Variants in GNB1 observed in about 807,000 individuals in gnomAD.
The protein encoded by GNB1 is G protein subunit beta 1, also known as guanine nucleotide-binding protein G(I)/G(S)/G(T) subunit beta-1.
A neutral mutation model predicts 42.9 loss-of-function variants in GNB1; 2 were observed. The ratio of observed to expected loss-of-function variants is 0.05; its 90% CI spans 0.02 to 0.15. The LOEUF (loss-of-function observed/expected upper bound fraction) is 0.15, where lower values mean the gene tolerates loss of function less well. Among genes scored for constraint, GNB1 ranks in the 10% least tolerant of loss-of-function variants. The probability of loss-of-function intolerance (pLI) is 1.00; values close to 1 mark genes in which losing one functional copy is unlikely to be tolerated. For synonymous variants in GNB1, 183 were observed against 174.7 expected (o/e 1.05, Z -0.38); for missense variants, 193 against 462.2 (o/e 0.42, Z 5.34).
intron 2 of GNB1, among the ~76,000 whole-genome samples, chr1:1,835,117 C>A (rs953909860): frequency 1.3e-5 from 2 of 152,208 alleles, no homozygotes; most frequent in African/African-American, 4.8e-5. Context: ...GCTTTCCCAA[C>A]AGCAAATGGG....
chr1:1,852,004 T>C (rs1570715305), intron 1 of GNB1, among the ~76,000 whole-genome samples: 1 of 150,092 alleles, frequency 6.7e-6, no homozygotes, highest in African/African-American at 2.5e-5. Context: ...GATAGCGCCA[T>C]TGCACTCCAG....
intron 1 of GNB1, among the ~76,000 whole-genome samples, chr1:1,880,122 G>A (rs898401061): frequency 3.3e-5 from 5 of 151,736 alleles, no homozygotes; most frequent in African/African-American, 1.2e-4. Context: ...TTGTAGAGAT[G>A]GGGTCTCACT....
chr1:1,880,624 TCTGA>T (rs1466710271), intron 1 of GNB1, among the ~76,000 whole-genome samples: 1 of 151,928 alleles, frequency 6.6e-6, no homozygotes, highest in Non-Finnish European at 1.5e-5. Flanking sequence ...TGAAAACAGT[TCTGA>T]CTAAGTGAAT....
At chr1:1,858,824 A>G (rs140458576) in intron 1 of GNB1, among the ~76,000 whole-genome samples, 2 of 152,284 alleles carry the variant, frequency 1.3e-5, no homozygotes, top group Non-Finnish European at 2.9e-5. Context: ...ATGACGTCAC[A>G]TCCTAATAAA....
At chr1:1,819,193 G>A (rs1271181013) in intron 3 of GNB1, among the ~76,000 whole-genome samples, 1 of 152,000 alleles carries the variant, frequency 6.6e-6, no homozygotes, top group Non-Finnish European at 1.5e-5. Context: ...TAAAGTTTGA[G>A]TGTTGGTATA....
Position 1,789,056 on chromosome 1 carries a change from C to T in GNB1, c.913G>A (p.Ala305Thr). 1 of 1,612,452 alleles carries T rather than the reference C, an allele frequency of 6.2e-7. No individual in the cohort carries two copies. ...NVWDALKADR[A>T]GVLAGHDNRV... Reference sequence around the variant, plus strand: ...GAAAGGCCCCATGGCCACGTACCTGCCCGGTCGGCTTTGAGTGCATCCCAG... The same window carrying T: ...GAAAGGCCCCATGGCCACGTACCTGTCCGGTCGGCTTTGAGTGCATCCCAG... Residue 305 changes from alanine to threonine, a missense_variant, in exon 10 of 12, where the codon GCA becomes ACA. Ala to Thr is a moderately conservative substitution (Grantham distance 58). This residue lies in a region of GNB1 where 150 missense variants were observed against 410.8 expected (regional missense o/e 0.37). Transcript: ENST00000378609.
chr1:1,803,304 T>C (rs1646650306), intron 7 of GNB1, among the ~76,000 whole-genome samples: 1 of 152,262 alleles, frequency 6.6e-6, no homozygotes, highest in Non-Finnish European at 1.5e-5. Context: ...GGCTCTATTA[T>C]GCCTCATTTG....
intron 7 of GNB1, among the ~76,000 whole-genome samples, chr1:1,801,805 A>G (rs1570636153): frequency 6.6e-6 from 1 of 152,244 alleles, no homozygotes; most frequent in East Asian, 1.9e-4. Context: ...GTGCAAAAGC[A>G]TATTCCAAAG....
chr1:1,874,239 G>A (rs1381058400), intron 1 of GNB1, among the ~76,000 whole-genome samples: 1 of 152,212 alleles, frequency 6.6e-6, no homozygotes, highest in Non-Finnish European at 1.5e-5. Context: ...AGGAGGCCGA[G>A]GCAGGCAGAT....
intron 1 of GNB1, among the ~76,000 whole-genome samples, chr1:1,876,314 T>A (rs1198078521): frequency 6.6e-6 from 1 of 152,116 alleles, no homozygotes; most frequent in Non-Finnish European, 1.5e-5. Flanking sequence ...AGGACTTGTT[T>A]TTTTTTAATA....
At chr1:1,791,522 G>A (rs1445663916) in intron 8 of GNB1, among the ~76,000 whole-genome samples, 1 of 152,238 alleles carries the variant, frequency 6.6e-6, no homozygotes, top group Non-Finnish European at 1.5e-5. Flanking sequence ...GTCAAAAGGT[G>A]AGACGCTGAC....
rs1002169881 is a variant in GNB1 at position 1,787,558 on chromosome 1, G to A, written c.917-121C>T. ...TGGGACAAGACCCAGAGTCTCCCACGGCCAGGAAGGGAGGGAAAGTTGCAT... is the reference window on the plus strand; with the variant it reads ...TGGGACAAGACCCAGAGTCTCCCACAGCCAGGAAGGGAGGGAAAGTTGCAT... On this transcript the variant is annotated intron_variant, in intron 10 of 11. Transcript: ENST00000378609. This position sits in a 1 kb window ranked among gnomAD's most constrained non-coding sequence, Gnocchi z 4.4. 1.3e-5 allele frequency: 8 copies of A among 593,088 alleles called. No homozygotes were observed. Among genetic ancestry groups the A allele is most frequent in the Middle Eastern group, 3.7e-4 (1 of 2,738 alleles). 36.7% of individuals were successfully genotyped at this position (593,088 alleles called of 1,614,324 possible). A position where few individuals can be genotyped will look rare whatever the true frequency, so the allele number is the denominator to read the frequency against.
intron 1 of GNB1, chr1:1,890,284 G>A (rs1570773245): frequency 6.6e-6 from 1 of 151,808 alleles, no homozygotes; most frequent in East Asian, 1.9e-4. Context: ...CTCCGACCGC[G>A]GCGCGCGGCC....
chr1:1,790,574 C>T lies in GNB1; in HGVS notation c.520G>A (p.Gly174Ser), dbSNP rs779612138. 21 of 1,613,268 alleles carry T rather than the reference C, an allele frequency of 1.3e-5. No homozygotes were observed. In the Admixed American group the frequency reaches 1.5e-4, roughly 12 times the overall value. The change falls in exon 9 of 12, where the codon GGC (glycine) becomes AGC (serine). Residue 174 changes from glycine to serine, a missense_variant. By Grantham distance (56) the Gly-to-Ser change is moderately conservative. Transcript: ENST00000378609. The surrounding 1 kb of genome is among the most constrained non-coding windows in gnomAD (Gnocchi z 5.4). ...CCGGTAAACGTGGTCGTCTGCTGGC[C>T]GGTCTCGATGTCCCACAGGGCACTG... Reference protein sequence around the residue: ...TTCALWDIETGQQTTTFTGHT... With the variant: ...TTCALWDIETSQQTTTFTGHT...
Position 1,789,256 on chromosome 1 carries a change from C to A in GNB1, c.713G>T (p.Gly238Val). Residue 238 changes from glycine (G) to valine (V), a missense_variant, in exon 10 of 12, where the codon GGC becomes GTC. Gly to Val is a moderately radical substitution (Grantham distance 109, BLOSUM62 -3). Coordinates refer to ENST00000378609, the MANE Select transcript of GNB1 (RefSeq NM_002074.5). ...DINAICFFPN[G>V]NAFATGSDDA... ...GTCTGAGCCAGTGGCAAATGCATTG[C>A]CATTTGGAAAGAACTGGAAAGAGAA... The A allele has an allele frequency of 6.3e-7, 1 of 1,599,962 alleles. No individual in the cohort carries two copies. The highest frequency in any genetic ancestry group is 8.6e-7 in the Non-Finnish European group (1 of 1,167,052).
At chr1:1,807,029 C>G (rs1646704385) in intron 5 of GNB1, among the ~76,000 whole-genome samples, 2 of 152,014 alleles carry the variant, frequency 1.3e-5, no homozygotes, top group South Asian at 4.2e-4. Flanking sequence ...AACTTCAAAG[C>G]ATGAACAAAA....
chr1:1,805,157 G>A (rs910274386), intron 6 of GNB1, among the ~76,000 whole-genome samples: 4 of 138,984 alleles, frequency 2.9e-5, no homozygotes, highest in South Asian at 2.3e-4. Context: ...GCGAGACTCC[G>A]TCTCAAAAGA....
chr1:1,823,810 G>C (rs1466406014), intron 3 of GNB1, among the ~76,000 whole-genome samples: 1 of 152,126 alleles, frequency 6.6e-6, no homozygotes, highest in Non-Finnish European at 1.5e-5. Flanking sequence ...CGTTTAAAAG[G>C]AAATACTTGA....
chr1:1,805,692 C>T (rs1270623258), intron 6 of GNB1, among the ~76,000 whole-genome samples: 1 of 151,916 alleles, frequency 6.6e-6, no homozygotes, highest in African/African-American at 2.4e-5. Context: ...AGGCGCCTGC[C>T]ACCACTCCTG....
Sources: gnomAD v4.1 joint callset for allele counts (sites outside exome capture counted in the v4.1 genomes callset) on GRCh38, gnomAD v4.1.1 for gene constraint, gnomAD v4.1.1 regional missense constraint, Gnocchi (gnomAD v3.1) non-coding constraint, MANE v1.5 for transcripts, NCBI Gene and HGNC (gene_info 2026-07-23, HGNC 2026-07-21) for gene names.